HMGCLL1: variants seen among roughly 807,000 people sequenced by gnomAD.
HMGCLL1 encodes the protein 3-hydroxy-3-methylglutaryl-CoA lyase like 1, also known as 3-hydroxymethyl-3-methylglutaryl-CoA lyase, cytoplasmic.
Under a neutral mutation model 39.1 loss-of-function variants are expected in HMGCLL1, and 36 were observed. The observed-to-expected ratio is 0.92, with a 90% CI of 0.71 to 1.22. The LOEUF (loss-of-function observed/expected upper bound fraction) is 1.22. Ranked by LOEUF, HMGCLL1 falls within the 50% of genes most tolerant of loss-of-function variation. The probability of loss-of-function intolerance (pLI) is 0.00; values close to 1 mark genes in which losing one functional copy is unlikely to be tolerated. For synonymous variants in HMGCLL1, 149 were observed against 144.0 expected (o/e 1.03, Z -0.25); for missense variants, 451 against 416.5 (o/e 1.08, Z -0.72).
the HMGCLL1 span, among the ~76,000 whole-genome samples, chr6:55,668,628 A>AT: frequency 6.6e-6 from 1 of 151,724 alleles, no homozygotes; most frequent in Non-Finnish European, 1.5e-5. Context: ...GTGAGTTTAC[A>AT]TTTTTTTCCT....
At chr6:55,500,081 A>G (rs891885152) in intron 5 of HMGCLL1, among the ~76,000 whole-genome samples, 5 of 152,104 alleles carry the variant, frequency 3.3e-5, no homozygotes, top group African/African-American at 1.2e-4. Context: ...GAAATAATGC[A>G]TAACGAGTAT....
At chr6:55,631,838 C>T in the HMGCLL1 span, among the ~76,000 whole-genome samples, 2 of 151,964 alleles carry the variant, frequency 1.3e-5, no homozygotes, top group Admixed American at 6.6e-5. Flanking sequence ...TATACTCTTC[C>T]CCCTTGGATG....
chr6:55,481,884 A>G (rs12206446), intron 7 of HMGCLL1, among the ~76,000 whole-genome samples: 22,158 of 151,962 alleles, frequency 0.15, 1,992 homozygotes, highest in Non-Finnish European at 0.2. Context: ...TTGCCATAAG[A>G]TATTTATTTA....
At chr6:55,453,328 G>A (rs1032110220) in intron 7 of HMGCLL1, among the ~76,000 whole-genome samples, 38 of 152,118 alleles carry the variant, frequency 2.5e-4, no homozygotes, top group Non-Finnish European at 4.1e-4. Context: ...ACAGGCGCCC[G>A]CCACCACGTC....
At position 55,522,442 on chromosome 6, in the gene HMGCLL1, C is replaced by G. The variant is rs78985588; in HGVS notation, c.298-5839G>C. On this transcript the variant is annotated intron_variant, in intron 3 of 8. Transcript: ENST00000274901. ...TTCACTGAGTAAAGTTTACTCAGTT[C>G]CAACTGATAACATGCAATGTGGGAT... 3.7e-3 allele frequency among the ~76,000 whole-genome samples: 557 copies of G among 151,914 alleles called. 5 individuals carry two copies. The highest frequency in any genetic ancestry group is 0.013 in the African/African-American group (535 of 41,468).
chr6:55,606,759 T>A, the HMGCLL1 span, among the ~76,000 whole-genome samples: 1 of 152,128 alleles, frequency 6.6e-6, no homozygotes, highest in Non-Finnish European at 1.5e-5. Flanking sequence ...CAAAAGGGAC[T>A]TTACGCATGT....
chr6:55,486,449 C>A, intron 7 of HMGCLL1, among the ~76,000 whole-genome samples: 1 of 151,972 alleles, frequency 6.6e-6, no homozygotes, highest in East Asian at 1.9e-4. Flanking sequence ...GGCAACTCTG[C>A]AGCATGTTTG....
intron 7 of HMGCLL1, among the ~76,000 whole-genome samples, chr6:55,466,134 C>T (rs942920103): frequency 6.6e-6 from 1 of 152,164 alleles, no homozygotes; most frequent in Non-Finnish European, 1.5e-5. Flanking sequence ...CAGAACCCTA[C>T]AAGCCTCTAT....
rs189258313 is a variant in HMGCLL1 at position 55,526,194 on chromosome 6, C to G, written c.298-9591G>C. On this transcript the variant is annotated intron_variant, in intron 3 of 8. Transcript: ENST00000274901. ...CTCACTCTTATTGAAGTGCTCCCAG[C>G]TTGCCTTTGATGATAGCAAAATGTC... Among the ~76,000 whole-genome samples, 24 of 152,094 alleles carry G rather than the reference C, an allele frequency of 1.6e-4. 1 individual carries two copies. Among genetic ancestry groups the G allele is most frequent in the African/African-American group, 5.8e-4 (24 of 41,542 alleles).
intron 1 of HMGCLL1, among the ~76,000 whole-genome samples, chr6:55,552,343 G>A (rs970304322): frequency 6.6e-6 from 1 of 152,000 alleles, no homozygotes; most frequent in African/African-American, 2.4e-5. Context: ...GAGTACAGGT[G>A]CATCTTCTAG....
At chr6:55,583,450 G>T (rs978660830), upstream of HMGCLL1, among the ~76,000 whole-genome samples, 5 of 152,032 alleles carry the variant, frequency 3.3e-5, no homozygotes, top group African/African-American at 9.6e-5. Context: ...GCAGTGTTTG[G>T]TTTTTTGTCC....
At chr6:55,505,455 A>G (rs1279014334) in intron 5 of HMGCLL1, among the ~76,000 whole-genome samples, 2 of 151,674 alleles carry the variant, frequency 1.3e-5, no homozygotes, top group Non-Finnish European at 3.0e-5. Context: ...AAGCAACACA[A>G]AATAACATGC....
chr6:55,491,868 A>G (rs931201304), intron 7 of HMGCLL1, among the ~76,000 whole-genome samples: 1 of 152,062 alleles, frequency 6.6e-6, no homozygotes, highest in East Asian at 1.9e-4. Flanking sequence ...AAATAATATG[A>G]TAATTATTCT....
intron 7 of HMGCLL1, among the ~76,000 whole-genome samples, chr6:55,453,767 A>G (rs1228402670): frequency 1.3e-5 from 2 of 152,226 alleles, no homozygotes; most frequent in Non-Finnish European, 2.9e-5. Flanking sequence ...AAGCATAAGG[A>G]AAAAGATTGT....
In HMGCLL1 at chr6:55,532,275, A is replaced by G. The variant is rs1245856647; in HGVS notation, c.297+9454T>C. Among the ~76,000 whole-genome samples the G allele has an allele frequency of 2.6e-5, 4 of 152,296 alleles. No homozygotes were observed. In the East Asian group the frequency reaches 7.7e-4, roughly 29 times the overall value. The stretch of plus-strand genomic sequence containing the variant: ...TTTTTAGCTAGTGGGGGTAAAAAGG[A>G]CAAAAATGCTTGAATTATATGTTCT... On this transcript the variant is annotated intron_variant, in intron 3 of 8. Coordinates refer to ENST00000274901, the MANE Select transcript of HMGCLL1 (RefSeq NM_001042406.2).
the HMGCLL1 span, among the ~76,000 whole-genome samples, chr6:55,601,936 A>AAAC: frequency 6.6e-6 from 1 of 152,086 alleles, no homozygotes; most frequent in Non-Finnish European, 1.5e-5. Context: ...TTTTCAGTCT[A>AAAC]AACAAATGCA....
intron 3 of HMGCLL1, 128 bp from the exon 4 acceptor site, chr6:55,516,731 A>T: frequency 1.9e-6 from 1 of 512,986 alleles, no homozygotes; most frequent in Non-Finnish European, 3.4e-6. Context: ...AAATAAAAAA[A>T]AATGCCAGTG....
chr6:55,561,642 T>C (rs1344111703), intron 1 of HMGCLL1, among the ~76,000 whole-genome samples: 2 of 152,114 alleles, frequency 1.3e-5, no homozygotes, highest in African/African-American at 4.8e-5. Context: ...TTAAAAAAAG[T>C]ATATGATTAT....
chr6:55,463,785 C>T (rs1182225718), intron 7 of HMGCLL1, among the ~76,000 whole-genome samples: 18 of 152,108 alleles, frequency 1.2e-4, no homozygotes, highest in Admixed American at 7.9e-4. Context: ...TTCTGCTCCA[C>T]GTATTCCTGC....
Sources: gnomAD v4.1 joint callset for allele counts (sites outside exome capture counted in the v4.1 genomes callset) on GRCh38, gnomAD v4.1.1 for gene constraint, MANE v1.5 for transcripts, NCBI Gene and HGNC (gene_info 2026-07-23, HGNC 2026-07-21) for gene names.